The following FDXR variants were observed in gnomAD, a reference collection of about 807,000 sequenced individuals.
FDXR encodes ferredoxin reductase, also known as NADPH:adrenodoxin oxidoreductase, mitochondrial.
Under a neutral mutation model 58.3 loss-of-function variants are expected in FDXR, and 38 were observed. The observed-to-expected ratio is 0.65, with a 90% CI of 0.50 to 0.85. The LOEUF is 0.85. Among genes scored for constraint, FDXR ranks in the 40% least tolerant of loss-of-function variants. The pLI, the probability that FDXR is intolerant of heterozygous loss-of-function variation, is 0.00. For synonymous variants in FDXR, 275 were observed against 273.8 expected (o/e 1.00, Z -0.04); for missense variants, 624 against 671.0 (o/e 0.93, Z 0.77).
chr17:74,866,945 C>A (rs2038210860), intron 2 of FDXR, 69 bp from the exon 3 acceptor site: 2 of 1,571,204 alleles, frequency 1.3e-6, no homozygotes, highest in Admixed American at 1.9e-5. Flanking sequence ...AGGTCCTCCC[C>A]TTCCCCAGAC....
chr17:74,870,559 A>T (rs1430388619), intron 2 of FDXR, among the ~76,000 whole-genome samples: 1 of 135,374 alleles, frequency 7.4e-6, no homozygotes, highest in Non-Finnish European at 1.5e-5. Flanking sequence ...TGGAAAGCTT[A>T]CTCTCCTCCC....
chr17:74,871,055 G>A (rs1330819507), intron 2 of FDXR, among the ~76,000 whole-genome samples: 1 of 152,044 alleles, frequency 6.6e-6, no homozygotes, highest in Non-Finnish European at 1.5e-5. Flanking sequence ...CACCTGCCTT[G>A]GCCTCCCAAA....
In FDXR at chr17:74,865,753, G is replaced by A. The variant is rs1024850542; in HGVS notation, c.575C>T (p.Ala192Val). Residue 192 changes from alanine to valine, a missense_variant, in exon 6 of 12, where the codon GCC (alanine) becomes GTC (valine). Ala to Val is a moderately conservative substitution (Grantham distance 64). Transcript: ENST00000293195. ...LGQGNVALDV[A>V]RILLTPPEHL... ...CTCAGGTGGGGTCAGTAGGATGCGGGCCACGTCCAGAGCCACGTTCCCCTG... is the reference window on the plus strand; with the variant it reads ...CTCAGGTGGGGTCAGTAGGATGCGGACCACGTCCAGAGCCACGTTCCCCTG... 1.2e-6 allele frequency: 2 copies of A among 1,613,136 alleles called. No homozygotes were observed. Among genetic ancestry groups the A allele is most frequent in the East Asian group, 2.2e-5 (1 of 44,864 alleles).
intron 2 of FDXR, among the ~76,000 whole-genome samples, chr17:74,869,181 C>T (rs1233396924): frequency 6.6e-6 from 1 of 152,212 alleles, no homozygotes; most frequent in Non-Finnish European, 1.5e-5. Context: ...AGGAAAACAG[C>T]AGCCCGAAAA....
intron 2 of FDXR, among the ~76,000 whole-genome samples, chr17:74,871,226 C>G (rs887634399): frequency 1.3e-5 from 2 of 152,226 alleles, no homozygotes; most frequent in African/African-American, 4.8e-5. Context: ...GCAGAGTGAT[C>G]AACTCATCCC....
intron 2 of FDXR, among the ~76,000 whole-genome samples, chr17:74,869,350 G>A (rs1235087083): frequency 6.6e-6 from 1 of 152,148 alleles, no homozygotes; most frequent in Admixed American, 6.5e-5. Context: ...TCTGATCAGG[G>A]AAGAGGAGGC....
chr17:74,872,591 C>G (rs1325338481), intron 1 of FDXR: 4 of 700,388 alleles, frequency 5.7e-6, no homozygotes, highest in Non-Finnish European at 9.3e-6. Flanking sequence ...GCCCCACAGA[C>G]CTCCGTATCA....
intron 2 of FDXR, 145 bp from the exon 3 acceptor site, chr17:74,867,021 G>T: frequency 1.4e-6 from 2 of 1,474,784 alleles, no homozygotes; most frequent in Non-Finnish European, 1.8e-6. Flanking sequence ...AGGAAAAAGA[G>T]CACTCACTCC....
rs1395794879 is a variant in FDXR at position 74,868,813 on chromosome 17, C to T, written c.178-1937G>A. On this transcript the variant is annotated intron_variant, in intron 2 of 11. Coordinates refer to ENST00000293195, the MANE Select transcript of FDXR (RefSeq NM_024417.5). ...TGAGGATTTAACCCACTCCCTCCTG[C>T]GACCCCAAATTCCCCTGAACTTGCT... is the stretch of plus-strand genomic sequence containing the variant. The T allele has an allele frequency of 3.6e-6, 5 of 1,387,998 alleles. No individual in the cohort carries two copies. In the African/African-American group the frequency reaches 5.8e-5, roughly 16 times the overall value. The allele number at this position is 1,387,998 out of a possible 1,614,324, so 86.0% of individuals were successfully genotyped here.
In FDXR at chr17:74,863,671, C is replaced by T. The variant is rs56259827; in HGVS notation, c.1174+225G>A. On this transcript the variant is annotated intron_variant, in intron 10 of 11. Coordinates refer to ENST00000293195, the MANE Select transcript of FDXR (RefSeq NM_024417.5). ...CTAACCCAGAAAAGACCTCAGTAAA[C>T]GTTTGTTGAATGACTTAATGACCCG... Among the ~76,000 whole-genome samples the T allele has an allele frequency of 9.9e-3, 1,505 of 152,284 alleles. 35 individuals carry two copies. The highest frequency in any genetic ancestry group is 0.034 in the African/African-American group (1,406 of 41,550).
In FDXR at chr17:74,864,540, G is replaced by A; in HGVS notation, c.742C>T (p.Pro248Ser). 6.2e-7 allele frequency: 1 copy of A among 1,614,084 alleles called. No individual in the cohort carries two copies. Among genetic ancestry groups the A allele is most frequent in the Middle Eastern group, 1.6e-4 (1 of 6,062 alleles). Reference protein sequence around the residue: ...IKELREMIQLPGARPILDPVD... With the variant: ...IKELREMIQLSGARPILDPVD... ...GGATCCAAAATGGGCCGGGCTCCCGGTAACTGAATCATCTCCCGAAGCTCC... is the reference window on the plus strand; with the variant it reads ...GGATCCAAAATGGGCCGGGCTCCCGATAACTGAATCATCTCCCGAAGCTCC... Residue 248 changes from proline (P) to serine (S), a missense_variant, in exon 8 of 12, where the codon CCG (proline) becomes TCG (serine). Pro to Ser is a moderately conservative substitution (Grantham distance 74). Coordinates refer to ENST00000293195, the MANE Select transcript of FDXR (RefSeq NM_024417.5).
At position 74,866,553 on chromosome 17, in the gene FDXR, A is replaced by C; in HGVS notation, c.286T>G (p.Phe96Val). ...HPEVKNVINT[F>V]TQTAHSGRCA... is the part of the protein sequence containing the mutation. ...CGGCCAGAATGGGCCGTCTGGGTAAATGTGTTGATGACATTCTGCCAGGTC... is the reference window on the plus strand; with the variant it reads ...CGGCCAGAATGGGCCGTCTGGGTAACTGTGTTGATGACATTCTGCCAGGTC... The change falls in exon 4 of 12, where the codon TTT (phenylalanine) becomes GTT (valine). Residue 96 changes from phenylalanine to valine, a missense_variant. By Grantham distance (50) the Phe-to-Val change is conservative. Transcript: ENST00000293195. 6.2e-7 allele frequency: 1 copy of C among 1,613,536 alleles called. No individual in the cohort carries two copies. The highest frequency in any genetic ancestry group is 1.1e-5 in the South Asian group (1 of 91,080).
At chr17:74,869,685 T>C (rs2038307394) in intron 2 of FDXR, among the ~76,000 whole-genome samples, 1 of 152,068 alleles carries the variant, frequency 6.6e-6, no homozygotes, top group South Asian at 2.1e-4. Context: ...CTTATAGCCG[T>C]CAGAGCCCTA....
At chr17:74,870,288 G>A (rs1375043349) in intron 2 of FDXR, among the ~76,000 whole-genome samples, 1 of 152,070 alleles carries the variant, frequency 6.6e-6, no homozygotes, top group Non-Finnish European at 1.5e-5. Flanking sequence ...AGGCCGAGGT[G>A]GGCAGATCAC....
intron 4 of FDXR, 44 bp from the exon 5 acceptor site, chr17:74,866,288 A>AGC (rs2038180185): frequency 6.3e-7 from 1 of 1,584,546 alleles, no homozygotes; most frequent in South Asian, 1.1e-5. Flanking sequence ...CTTCAGCACC[A>AGC]GCACTGATAG....
At chr17:74,872,250 C>T in intron 1 of FDXR, 117 bp from the exon 2 acceptor site, 1 of 1,542,032 alleles carries the variant, frequency 6.5e-7, no homozygotes. Context: ...CACCTGCATC[C>T]TCCTTCTCTT....
rs2070918 is a variant in FDXR, at chr17:74,866,583, G to A, written c.271-15C>T. 0.64 allele frequency: 1,040,142 copies of A among 1,613,014 alleles called. 345,969 individuals are homozygous for A. The highest frequency in any genetic ancestry group is 0.69 in the Non-Finnish European group (816,594 of 1,179,802). ...TTGATGACATTCTGCCAGGTCCCCC[G>A]GGAATGGGAGGGGTTAGAGGGTAAG... On this transcript the variant is annotated splice_polypyrimidine_tract_variant and intron_variant, in intron 3 of 11. Coordinates refer to ENST00000293195, the MANE Select transcript of FDXR (RefSeq NM_024417.5).
At chr17:74,864,094 A>T (rs749240079) in intron 9 of FDXR, 27 bp from the exon 10 acceptor site, 35 of 1,613,466 alleles carry the variant, frequency 2.2e-5, no homozygotes, top group Non-Finnish European at 3.0e-5. Context: ...GGGCAACACC[A>T]GGCGGGTGGC....
At chr17:74,869,404 C>T (rs576465420) in intron 2 of FDXR, among the ~76,000 whole-genome samples, 2 of 152,340 alleles carry the variant, frequency 1.3e-5, no homozygotes, top group South Asian at 4.1e-4. Flanking sequence ...AGAGCCTGGT[C>T]AATGGCTTCC....
Sources: allele counts gnomAD v4.1 joint callset (sites outside exome capture counted in the v4.1 genomes callset), GRCh38; gene constraint gnomAD v4.1.1; transcripts MANE v1.5; gene names NCBI Gene and HGNC (gene_info 2026-07-23, HGNC 2026-07-21).